The following MPHOSPH8 variants were observed in gnomAD, a reference collection of about 807,000 sequenced individuals.
MPHOSPH8 encodes M-phase phosphoprotein, mpp.
A neutral mutation model predicts 87.3 loss-of-function variants in MPHOSPH8; 45 were observed. The ratio of observed to expected loss-of-function variants is 0.52; its 90% confidence interval spans 0.41 to 0.66. The LOEUF (loss-of-function observed/expected upper bound fraction) is 0.66, where lower values mean the gene tolerates loss of function less well. Ranked by LOEUF, MPHOSPH8 falls within the 30% of genes least tolerant of loss-of-function variation. The pLI, the probability that MPHOSPH8 is intolerant of heterozygous loss-of-function variation, is 0.00. For synonymous variants in MPHOSPH8, 366 were observed against 376.9 expected (o/e 0.97, Z 0.33); for missense variants, 883 against 1,020.2 (o/e 0.87, Z 1.83).
intron 5 of MPHOSPH8, among the ~76,000 whole-genome samples, chr13:19,653,398 C>T (rs1874967846): frequency 6.6e-6 from 1 of 152,224 alleles, no homozygotes; most frequent in South Asian, 2.1e-4. Context: ...TGTCCACTCA[C>T]ACCCCATCTG....
intron 9 of MPHOSPH8, among the ~76,000 whole-genome samples, chr13:19,665,283 G>T (rs1022711739): frequency 1.2e-4 from 18 of 152,336 alleles, no homozygotes; most frequent in Admixed American, 1.3e-4. Context: ...GATTTAGCAT[G>T]TTGAAGTTTG....
In MPHOSPH8 at chr13:19,671,266, T is replaced by C. The variant is rs756926962; in HGVS notation, c.2518T>C (p.Leu840=). 1.2e-6 allele frequency: 2 copies of C among 1,613,908 alleles called. No individual in the cohort carries two copies. The highest frequency in any genetic ancestry group is 4.5e-5 in the East Asian group (2 of 44,882). Residue 840 remains leucine (L), a synonymous_variant, in exon 13 of 14, where the codon TTG becomes CTG. Coordinates refer to ENST00000361479, the MANE Select transcript of MPHOSPH8 (RefSeq NM_017520.4). Reference sequence around the variant, plus strand: ...AGGTCCCAATAAACTCTTCATAAGGTTGACAGAAGCACCCTCTGCCAAGGT... The same window carrying C: ...AGGTCCCAATAAACTCTTCATAAGGCTGACAGAAGCACCCTCTGCCAAGGT... ...VAGPNKLFIR[L]TEAPSAKVKL...
At chr13:19,664,069 G>T (rs755076971) in intron 9 of MPHOSPH8, among the ~76,000 whole-genome samples, 7 of 152,046 alleles carry the variant, frequency 4.6e-5, no homozygotes, top group Non-Finnish European at 7.4e-5. Context: ...CTGATGCCTT[G>T]GCTTCCAGAG....
intron 1 of MPHOSPH8, among the ~76,000 whole-genome samples, chr13:19,638,176 C>G (rs1874102507): frequency 6.6e-6 from 1 of 151,960 alleles, no homozygotes. Flanking sequence ...CATATATTCT[C>G]AATGGATAAA....
chr13:19,666,723 C>T (rs1875838840), intron 10 of MPHOSPH8, 144 bp downstream of exon 10: 1 of 636,848 alleles, frequency 1.6e-6, no homozygotes, highest in Admixed American at 3.3e-5. Context: ...CAGTAGATCA[C>T]AGATTTAATA....
Position 19,646,449 on chromosome 13 carries a change from T to C in MPHOSPH8, c.376T>C (p.Ser126Pro). ...KAVRKDIQRLSLNNDIFEANS... is the reference protein window; with the variant it reads ...KAVRKDIQRLPLNNDIFEANS... ...TCTGTTTTGTATTTTATAGAGACTA[T>C]CCTTAAATAACGACATATTTGAGGC... The change falls in exon 3 of 14, where the codon TCC becomes CCC. Residue 126 changes from serine to proline, a missense_variant. Around this residue, in one of 3 missense-constraint regions of MPHOSPH8, gnomAD observed 39 missense variants for 82.4 expected, o/e 0.47. Coordinates refer to ENST00000361479, the MANE Select transcript of MPHOSPH8 (RefSeq NM_017520.4). 1 of 1,493,412 alleles carries C rather than the reference T, an allele frequency of 6.7e-7. No homozygotes were observed. The highest frequency in any genetic ancestry group is 8.9e-7 in the Non-Finnish European group (1 of 1,128,332). 92.5% of individuals were successfully genotyped at this position (1,493,412 alleles called of 1,614,324 possible).
intron 2 of MPHOSPH8, among the ~76,000 whole-genome samples, chr13:19,644,507 C>A (rs1874468775): frequency 6.6e-6 from 1 of 152,166 alleles, no homozygotes; most frequent in Non-Finnish European, 1.5e-5. Context: ...TAATGCTTTC[C>A]ACCAGTCCTT....
At chr13:19,653,569 A>AT (rs778897655) in intron 5 of MPHOSPH8, among the ~76,000 whole-genome samples, 2 of 152,196 alleles carry the variant, frequency 1.3e-5, no homozygotes, top group Non-Finnish European at 2.9e-5. Flanking sequence ...AGTTTGACGA[A>AT]TTGACAGAAG....
Position 19,661,791 on chromosome 13 carries a change from G to C in MPHOSPH8, c.1885G>C (p.Gly629Arg). Reference sequence around the variant, plus strand: ...CATCACAAAAGGCGCGAAAGTGAACGGTCGGCAGAAGAACGGGACCACCGC... The same window carrying C: ...CATCACAAAAGGCGCGAAAGTGAACCGTCGGCAGAAGAACGGGACCACCGC... ...LLITKGAKVN[G>R]RQKNGTTALI... Residue 629 changes from glycine to arginine, a missense_variant, in exon 8 of 14, where the codon GGT becomes CGT. By Grantham distance (125) the Gly-to-Arg change is moderately radical. Around this residue, in one of 3 missense-constraint regions of MPHOSPH8, gnomAD observed 741 missense variants for 841.5 expected, o/e 0.88. Coordinates refer to ENST00000361479, the MANE Select transcript of MPHOSPH8 (RefSeq NM_017520.4). 1 of 1,613,294 alleles carries C rather than the reference G, an allele frequency of 6.2e-7. No individual in the cohort carries two copies. Among genetic ancestry groups the C allele is most frequent in the Non-Finnish European group, 8.5e-7 (1 of 1,179,626 alleles).
intron 10 of MPHOSPH8, 126 bp from the exon 11 acceptor site, chr13:19,668,251 A>AAGTAGAGCTGGAGGAAGTAG (rs1875925196): frequency 2.7e-6 from 2 of 738,100 alleles, no homozygotes; most frequent in Non-Finnish European, 2.2e-6. Flanking sequence ...TAGAGCTGGA[A>AAGTAGAGCTGGAGGAAGTAG]AGCGGAGGCA....
At chr13:19,634,584 GA>G (rs1214460314) in intron 1 of MPHOSPH8, among the ~76,000 whole-genome samples, 1 of 152,154 alleles carries the variant, frequency 6.6e-6, no homozygotes, top group Non-Finnish European at 1.5e-5. Context: ...TTCTTCTGGT[GA>G]AATCTTACTC....
chr13:19,667,675 T>C lies in MPHOSPH8; in HGVS notation c.2175-702T>C, dbSNP rs193004031. Among the ~76,000 whole-genome samples, 8 of 152,360 alleles carry C rather than the reference T, an allele frequency of 5.3e-5. No homozygotes were observed. The East Asian group carries it at 1.5e-3, about 29-fold the overall frequency. On this transcript the variant is annotated intron_variant, in intron 10 of 13. Coordinates refer to ENST00000361479, the MANE Select transcript of MPHOSPH8 (RefSeq NM_017520.4). ...ATTCAAGATTCCTTCCATGTCTTGA[T>C]AGTGCATTTCTGTTTAGCACTGACT...
At chr13:19,654,342 C>T (rs979422037) in intron 5 of MPHOSPH8, among the ~76,000 whole-genome samples, 53 of 152,042 alleles carry the variant, frequency 3.5e-4, no homozygotes, top group African/African-American at 7.7e-4. Flanking sequence ...GTAGGGGCTC[C>T]GGGAGGGATA....
In MPHOSPH8 at chr13:19,653,051, G is replaced by A. The variant is rs79980314; in HGVS notation, c.1576+2791G>A. Among the ~76,000 whole-genome samples the A allele has an allele frequency of 6.1e-3, 927 of 152,282 alleles. 12 individuals carry two copies. The highest frequency in any genetic ancestry group is 0.02 in the African/African-American group (850 of 41,560). On this transcript the variant is annotated intron_variant, in intron 5 of 13. Coordinates refer to ENST00000361479, the MANE Select transcript of MPHOSPH8 (RefSeq NM_017520.4). ...GCCTCACGGCTCTGAAGAGAGCAGT[G>A]GATCTCCCAGCACAGCATTTGAGCT...
At chr13:19,653,762 A>G (rs1184786348) in intron 5 of MPHOSPH8, among the ~76,000 whole-genome samples, 1 of 152,248 alleles carries the variant, frequency 6.6e-6, no homozygotes, top group African/African-American at 2.4e-5. Context: ...CATGAAGCAT[A>G]CACAAGTATC....
At chr13:19,651,428 G>A (rs577484991) in intron 5 of MPHOSPH8, among the ~76,000 whole-genome samples, 2 of 152,132 alleles carry the variant, frequency 1.3e-5, no homozygotes, top group South Asian at 2.1e-4. Context: ...TCAGGAGGCT[G>A]AGGCAGGAGA....
intron 4 of MPHOSPH8, among the ~76,000 whole-genome samples, chr13:19,649,194 C>G (rs1426306779): frequency 1.3e-5 from 2 of 151,960 alleles, no homozygotes; most frequent in African/African-American, 2.4e-5. Flanking sequence ...CAAAGCAAAA[C>G]AAAAATCTTA....
intron 9 of MPHOSPH8, among the ~76,000 whole-genome samples, chr13:19,663,509 G>A (rs1875660299): frequency 6.6e-6 from 1 of 152,234 alleles, no homozygotes; most frequent in Non-Finnish European, 1.5e-5. Context: ...GGCCTCGAAA[G>A]TGCAGGCCTA....
Position 19,670,462 on chromosome 13 carries a change from A to T in MPHOSPH8, c.2457+99A>T. On this transcript the variant is annotated intron_variant, in intron 12 of 13. Coordinates refer to ENST00000361479, the MANE Select transcript of MPHOSPH8 (RefSeq NM_017520.4). ...TCCTGTGTCTTAATAAAATATAAGC[A>T]TTCAGAAAACGATCCAGTAATAGTG... 2.2e-6 allele frequency: 3 copies of T among 1,361,688 alleles called. No individual in the cohort carries two copies. In the South Asian group the frequency reaches 4.2e-5, roughly 19 times the overall value. 84.4% of individuals were successfully genotyped at this position (1,361,688 alleles called of 1,614,324 possible).
Sources: allele counts gnomAD v4.1 joint callset (sites outside exome capture counted in the v4.1 genomes callset), GRCh38; gene constraint gnomAD v4.1.1; regional missense constraint gnomAD v4.1.1; transcripts MANE v1.5; gene names NCBI Gene and HGNC (gene_info 2026-07-23, HGNC 2026-07-21).